The following PCDHGA5 variants were observed in gnomAD, a reference collection of about 807,000 sequenced individuals.
PCDHGA5 encodes the protein protocadherin gamma-A5.
Under a neutral mutation model 56.7 loss-of-function variants are expected in PCDHGA5, and 36 were observed. That is an observed-to-expected ratio of 0.64 (90% CI 0.49 to 0.84). The LOEUF (loss-of-function observed/expected upper bound fraction) is 0.84. Ranked by LOEUF, PCDHGA5 falls within the 40% of genes least tolerant of loss-of-function variation. The pLI, the probability that PCDHGA5 is intolerant of heterozygous loss-of-function variation, is 0.00. For synonymous variants in PCDHGA5, 563 were observed against 520.2 expected (o/e 1.08, Z -1.12); for missense variants, 1,305 against 1,201.5 (o/e 1.09, Z -1.27).
chr5:141,394,152 G>A lies in PCDHGA5; in HGVS notation c.2421+27401G>A, dbSNP rs141035845. 5.0e-3 allele frequency: 8,040 copies of A among 1,613,782 alleles called. 48 individuals are homozygous for A. Among genetic ancestry groups the A allele is most frequent in the Admixed American group, 9.4e-3 (566 of 59,984 alleles). On this transcript the variant is annotated intron_variant, in intron 1 of 3. Coordinates refer to ENST00000518069, the MANE Select transcript of PCDHGA5 (RefSeq NM_018918.3). ...CGCTCTGCACGTGGCAGACATTAAC[G>A]ACAACCCTCCTACTTTCCCTCATGC...
chr5:141,376,676 G>GC (rs1773026765), intron 1 of PCDHGA5: 1 of 275,812 alleles, frequency 3.6e-6, no homozygotes, highest in Non-Finnish European at 6.2e-6. Context: ...TGAGGGTATC[G>GC]TTTTTTTTTT....
chr5:141,450,220 G>A (rs898186696), intron 1 of PCDHGA5, among the ~76,000 whole-genome samples: 12 of 151,956 alleles, frequency 7.9e-5, no homozygotes, highest in African/African-American at 2.9e-4. Flanking sequence ...GTTTCACTAT[G>A]TTGGCCAGGC....
At chr5:141,384,215 T>C in intron 1 of PCDHGA5, 1 of 1,613,862 alleles carries the variant, frequency 6.2e-7, no homozygotes, top group Non-Finnish European at 8.5e-7. Flanking sequence ...ACTCACATAT[T>C]CATGCAGGTG....
chr5:141,400,254 G>C, intron 1 of PCDHGA5: 1 of 1,613,980 alleles, frequency 6.2e-7, no homozygotes. Flanking sequence ...CCGTTGCCTT[G>C]CGCCTGCGAC....
intron 1 of PCDHGA5, among the ~76,000 whole-genome samples, chr5:141,436,742 G>A (rs568532036): frequency 3.9e-4 from 59 of 152,304 alleles, no homozygotes; most frequent in Non-Finnish European, 7.1e-4. Flanking sequence ...ATTTTTGTGT[G>A]CTTCTCCATA....
intron 1 of PCDHGA5, chr5:141,410,095 C>T (rs2095356889): frequency 1.2e-6 from 2 of 1,612,676 alleles, no homozygotes; most frequent in Non-Finnish European, 1.7e-6. Flanking sequence ...CGGCTCGAGC[C>T]TTAGGCGACA....
intron 1 of PCDHGA5, chr5:141,399,895 G>A (rs570331620): frequency 6.2e-7 from 1 of 1,612,586 alleles, no homozygotes; most frequent in African/African-American, 1.3e-5. Flanking sequence ...GGTAGTGGCC[G>A]TGGACGCAGA....
In PCDHGA5 at chr5:141,493,145, AG is replaced by A. The variant is rs11350413; in HGVS notation, c.2422-1660del. Among the ~76,000 whole-genome samples the A allele has an allele frequency of 0.17, 26,475 of 152,128 alleles. 2,528 individuals carry two copies. The highest frequency in any genetic ancestry group is 0.28 in the Admixed American group (4,206 of 15,272). ...TAGGACTGTATTTTGAAACACCCCC[AG>A]GTGATTTTGATAGCTGATTGAGAGA... is the stretch of plus-strand genomic sequence containing the variant. On this transcript the variant is annotated intron_variant, in intron 1 of 3. Transcript: ENST00000518069. The surrounding 1 kb of genome is among the most constrained non-coding windows in gnomAD (Gnocchi z 4.3).
At chr5:141,402,407 A>G (rs1365068565) in intron 1 of PCDHGA5, among the ~76,000 whole-genome samples, 1 of 152,106 alleles carries the variant, frequency 6.6e-6, no homozygotes, top group African/African-American at 2.4e-5. Context: ...AATTGTTAAG[A>G]TACACAGAAA....
intron 1 of PCDHGA5, chr5:141,421,970 A>G (rs2096615419): frequency 1.2e-6 from 2 of 1,610,810 alleles, no homozygotes; most frequent in Non-Finnish European, 1.7e-6. Context: ...CAGTCCGTAT[A>G]TCGCGTGAGT....
At chr5:141,388,800 G>A (rs1193679536) in intron 1 of PCDHGA5, 6 of 1,613,896 alleles carry the variant, frequency 3.7e-6, no homozygotes, top group Non-Finnish European at 5.1e-6. Context: ...AAATACATTA[G>A]ATTTTGAAGA....
chr5:141,464,973 TTC>T (rs2154568681), intron 1 of PCDHGA5, among the ~76,000 whole-genome samples: 1 of 152,092 alleles, frequency 6.6e-6, no homozygotes, highest in East Asian at 1.9e-4. Flanking sequence ...AACTACTGGC[TTC>T]AAGTGATCCT....
At chr5:141,383,914 G>C (rs1167823249) in intron 1 of PCDHGA5, 9 of 1,613,960 alleles carry the variant, frequency 5.6e-6, no homozygotes, top group Non-Finnish European at 6.8e-6. Flanking sequence ...CACAGTTTTA[G>C]ATGTAAATGA....
intron 1 of PCDHGA5, chr5:141,419,409 A>G: frequency 6.2e-7 from 1 of 1,613,462 alleles, no homozygotes; most frequent in Non-Finnish European, 8.5e-7. Flanking sequence ...GTGTTCGCGC[A>G]GCGCGCCTTC....
At position 141,366,026 on chromosome 5, in the gene PCDHGA5, G is replaced by A. The variant is rs1435351419; in HGVS notation, c.1696G>A (p.Ala566Thr). Residue 566 changes from alanine to threonine, a missense_variant, in exon 1 of 4, where the codon GCC becomes ACC. Transcript: ENST00000518069. Reference protein sequence around the residue: ...NDNTPEILYPALPTDGSTGVE... With the variant: ...NDNTPEILYPTLPTDGSTGVE... ...CAATACGCCTGAGATCCTGTACCCC[G>A]CCCTCCCCACAGACGGTTCCACGGG... is the stretch of plus-strand genomic sequence containing the variant. 4.3e-6 allele frequency: 7 copies of A among 1,614,094 alleles called. No homozygotes were observed. Among genetic ancestry groups the A allele is most frequent in the Non-Finnish European group, 5.1e-6 (6 of 1,180,042 alleles).
chr5:141,487,884 A>G lies in PCDHGA5; in HGVS notation c.2422-6923A>G. 1.3e-6 allele frequency: 1 copy of G among 766,716 alleles called. No homozygotes were observed. Among genetic ancestry groups the G allele is most frequent in the Non-Finnish European group, 2.1e-6 (1 of 481,170 alleles). 47.5% of individuals were successfully genotyped at this position (766,716 alleles called of 1,614,324 possible). On this transcript the variant is annotated intron_variant, in intron 1 of 3. Transcript: ENST00000518069. The surrounding 1 kb of genome is among the most constrained non-coding windows in gnomAD (Gnocchi z 5.0). ...GTGATCAAGAGCCAGGCTGTTGTGG[A>G]AGCATGATGATGGAATGTGGGAGCA...
chr5:141,497,125 G>A (rs968031174), intron 2 of PCDHGA5, among the ~76,000 whole-genome samples: 1 of 152,094 alleles, frequency 6.6e-6, no homozygotes, highest in South Asian at 2.1e-4. Context: ...GGCAGAGGTT[G>A]CAGTGAGCTG....
intron 1 of PCDHGA5, chr5:141,410,847 G>GTTTTTTT (rs773839667): frequency 8.8e-5 from 14 of 158,320 alleles, no homozygotes; most frequent in African/African-American, 4.2e-4. Flanking sequence ...TTTTGTCTTT[G>GTTTTTTT]TCTTTTTTTT....
rs1233148754 is a variant in PCDHGA5, at chr5:141,428,157, T to A, written c.2421+61406T>A. ...CCTGGGGCTGCACACGGGAACCTGC[T>A]GGTTGCTGTGCGTGACGGAGGACAG... On this transcript the variant is annotated intron_variant, in intron 1 of 3. Coordinates refer to ENST00000518069, the MANE Select transcript of PCDHGA5 (RefSeq NM_018918.3). The A allele has an allele frequency of 4.4e-6, 7 of 1,575,024 alleles. No individual in the cohort carries two copies. The East Asian group carries it at 1.6e-4, about 35-fold the overall frequency.
Sources: gnomAD v4.1 joint callset for allele counts (sites outside exome capture counted in the v4.1 genomes callset) on GRCh38, gnomAD v4.1.1 for gene constraint, Gnocchi (gnomAD v3.1) non-coding constraint, MANE v1.5 for transcripts, NCBI Gene and HGNC (gene_info 2026-07-23, HGNC 2026-07-21) for gene names.